The following TET3 variants were observed in gnomAD, a reference collection of about 807,000 sequenced individuals.
TET3 encodes tet methylcytosine dioxygenase 3.
A neutral mutation model predicts 141.4 loss-of-function variants in TET3; 19 were observed. That is an observed-to-expected ratio of 0.13 (90% CI 0.09 to 0.20). The LOEUF (loss-of-function observed/expected upper bound fraction) is 0.20. Among genes scored for constraint, TET3 ranks in the 10% least tolerant of loss-of-function variants. TET3 has a pLI of 1.00. For missense variants in TET3, 1,874 were observed against 2,356.9 expected (o/e 0.80, Z 4.24); for synonymous variants, 1,043 against 980.9 (o/e 1.06, Z -1.18).
At chr2:74,091,849 CAT>C (rs1690514528) in intron 8 of TET3, among the ~76,000 whole-genome samples, 1 of 152,230 alleles carries the variant, frequency 6.6e-6, no homozygotes, top group African/African-American at 2.4e-5. Flanking sequence ...CTCTCTGCCA[CAT>C]GTCACCAGGG....
intron 5 of TET3, among the ~76,000 whole-genome samples, chr2:74,079,251 G>T (rs1460226213): frequency 1.3e-5 from 2 of 152,170 alleles, no homozygotes; most frequent in Non-Finnish European, 2.9e-5. Flanking sequence ...GGAGGCTGAG[G>T]CAGAGAATTA....
chr2:74,115,694 AAAAT>A, the TET3 span, among the ~76,000 whole-genome samples: 571 of 152,320 alleles, frequency 3.7e-3, 1 homozygote, highest in Non-Finnish European at 6.7e-3. Context: ...CTATAAATTA[AAAAT>A]AAATAGATAA....
the TET3 span, among the ~76,000 whole-genome samples, chr2:74,115,675 C>T: frequency 5.9e-5 from 9 of 152,110 alleles, no homozygotes; most frequent in Admixed American, 3.9e-4. Context: ...GTTAAAGGTG[C>T]ATTTGCTTCT....
chr2:74,009,420 T>G (rs1483556668), intron 3 of TET3, among the ~76,000 whole-genome samples: 2 of 152,192 alleles, frequency 1.3e-5, no homozygotes, highest in African/African-American at 4.8e-5. Context: ...TTGAATAGGC[T>G]CAGGCTGGGG....
intron 4 of TET3, among the ~76,000 whole-genome samples, chr2:74,060,912 C>G (rs916609140): frequency 2.0e-5 from 3 of 152,238 alleles, no homozygotes; most frequent in African/African-American, 7.2e-5. Context: ...CCATGTCTAC[C>G]TCTTTCTACA....
At chr2:74,037,969 CT>C (rs1424809172) in intron 3 of TET3, among the ~76,000 whole-genome samples, 1 of 152,212 alleles carries the variant, frequency 6.6e-6, no homozygotes, top group Non-Finnish European at 1.5e-5. Context: ...GCGTTCCACA[CT>C]TTTCCAGCCT....
chr2:74,080,484 G>C lies in TET3; in HGVS notation c.2586-14G>C, dbSNP rs763776648. ...TTCTGCTGTGCTAATGGTGGCTTCT[G>C]TCTCCCTCTTCAGGTATGGAGAGAA... On this transcript the variant is annotated splice_polypyrimidine_tract_variant and intron_variant, in intron 5 of 11. Coordinates refer to ENST00000409262, the MANE Select transcript of TET3 (RefSeq NM_001287491.2). 2 of 1,609,754 alleles carry C rather than the reference G, an allele frequency of 1.2e-6. No homozygotes were observed. Among genetic ancestry groups the C allele is most frequent in the East Asian group, 2.2e-5 (1 of 44,790 alleles).
Position 74,047,951 on chromosome 2 carries a change from C to T in TET3, c.2034C>T (p.Pro678=), listed in dbSNP as rs373787742. 3.8e-5 allele frequency: 61 copies of T among 1,613,422 alleles called. No individual in the cohort carries two copies. Among genetic ancestry groups the T allele is most frequent in the Non-Finnish European group, 4.8e-5 (57 of 1,179,740 alleles). Residue 678 remains proline, a synonymous_variant, in exon 4 of 12, where the codon CCC becomes CCT. Transcript: ENST00000409262. ...APSPSRDSLL[P]PTQEMRSPSP... Reference sequence around the variant, plus strand: ...GTCCCTCCAGGGACAGCCTGCTGCCCCCTACTCAGGAAATGAGGTCCCCCA... The same window carrying T: ...GTCCCTCCAGGGACAGCCTGCTGCCTCCTACTCAGGAAATGAGGTCCCCCA...
downstream of TET3, among the ~76,000 whole-genome samples, chr2:74,112,560 A>G (rs748997574): frequency 3.9e-5 from 6 of 152,246 alleles, no homozygotes; most frequent in Non-Finnish European, 7.3e-5. Flanking sequence ...TTTACTACAT[A>G]AAAAACAATA....
At position 74,073,721 on chromosome 2, in the gene TET3, G is replaced by A. The variant is rs971250205; in HGVS notation, c.2585+82G>A. 5.8e-6 allele frequency: 7 copies of A among 1,198,918 alleles called. No homozygotes were observed. The African/African-American group carries it at 1.1e-4, about 19-fold the overall frequency. 74.3% of individuals were successfully genotyped at this position (1,198,918 alleles called of 1,614,324 possible). On this transcript the variant is annotated intron_variant, in intron 5 of 11. Transcript: ENST00000409262. ...TATTAAGCGCCTCTCATTTTTCTTT[G>A]CCTTGTAACAGACAATATACAGAAA...
rs1297548608 is a variant in TET3 at position 74,101,660 on chromosome 2, G to A, written c.4872G>A (p.Glu1624=). The A allele has an allele frequency of 1.9e-6, 3 of 1,613,604 alleles. No homozygotes were observed. The highest frequency in any genetic ancestry group is 2.7e-5 in the African/African-American group (2 of 74,934). ...EEPPSKGAVK[E]EKGGGGAEEE... ...CCCCCAGCAAGGGAGCGGTGAAGGAGGAGAAGGGCGGTGGTGGTGCGGAGG... is the reference window on the plus strand; with the variant it reads ...CCCCCAGCAAGGGAGCGGTGAAGGAAGAGAAGGGCGGTGGTGGTGCGGAGG... Residue 1624 remains glutamate (E), a synonymous_variant, in exon 12 of 12, where the codon GAG becomes GAA. Transcript: ENST00000409262. The surrounding 1 kb of genome is among the most constrained non-coding windows in gnomAD (Gnocchi z 8.5).
chr2:74,127,154 A>G, the TET3 span, among the ~76,000 whole-genome samples: 2 of 152,168 alleles, frequency 1.3e-5, no homozygotes, highest in African/African-American at 2.4e-5. Context: ...CATAAACTCA[A>G]ATGAGGGGAT....
At chr2:74,118,851 G>C in the TET3 span, among the ~76,000 whole-genome samples, 1 of 152,006 alleles carries the variant, frequency 6.6e-6, no homozygotes, top group Non-Finnish European at 1.5e-5. Context: ...TAAAATTATT[G>C]CACCCAGGAA....
At chr2:74,006,893 C>T (rs749541332) in intron 3 of TET3, among the ~76,000 whole-genome samples, 18 of 152,138 alleles carry the variant, frequency 1.2e-4, no homozygotes, top group South Asian at 4.1e-4. Context: ...AGCCTTTAGG[C>T]AAATAGAAGG....
At chr2:74,083,754 G>T (rs78232936) in intron 6 of TET3, among the ~76,000 whole-genome samples, 1,851 of 152,288 alleles carry the variant, frequency 0.012, 22 homozygotes, top group Non-Finnish European at 0.02. Flanking sequence ...CTGTCTGCTT[G>T]TGTCTAATGA....
chr2:74,112,651 T>C (rs1374501835), downstream of TET3, among the ~76,000 whole-genome samples: 1 of 152,116 alleles, frequency 6.6e-6, no homozygotes, highest in Admixed American at 6.6e-5. Context: ...AATGAGTGCT[T>C]TGCAAGAAAT....
chr2:74,125,814 C>A, the TET3 span, among the ~76,000 whole-genome samples: 1 of 152,204 alleles, frequency 6.6e-6, no homozygotes, highest in Non-Finnish European at 1.5e-5. Flanking sequence ...GGATTACAGG[C>A]ATGAGCCACC....
At chr2:74,006,136 A>G (rs1411597414) in intron 3 of TET3, among the ~76,000 whole-genome samples, 1 of 151,220 alleles carries the variant, frequency 6.6e-6, no homozygotes, top group Admixed American at 6.6e-5. Context: ...CTTTCTATAC[A>G]CTCTGGGTCC....
chr2:74,013,003 T>G (rs1027792419), intron 3 of TET3, among the ~76,000 whole-genome samples: 1 of 151,732 alleles, frequency 6.6e-6, no homozygotes, highest in African/African-American at 2.4e-5. Flanking sequence ...GGGTGTTTTT[T>G]TTTTTTTTTT....
Sources: gnomAD v4.1 joint callset for allele counts (sites outside exome capture counted in the v4.1 genomes callset) on GRCh38, gnomAD v4.1.1 for gene constraint, Gnocchi (gnomAD v3.1) non-coding constraint, MANE v1.5 for transcripts, NCBI Gene and HGNC (gene_info 2026-07-23, HGNC 2026-07-21) for gene names.